The following ARK2N variants were observed in gnomAD, a reference collection of about 807,000 sequenced individuals.
ARK2N encodes the protein protein ARK2N.
the ARK2N span, chr18:46,232,181 T>G: frequency 6.6e-6 from 1 of 152,240 alleles, no homozygotes. Context: ...TTTTAACATA[T>G]AGCTGACTTT....
the ARK2N span, among the ~76,000 whole-genome samples, chr18:46,254,638 AC>A: frequency 4.6e-5 from 7 of 152,226 alleles, no homozygotes; most frequent in African/African-American, 1.4e-4. Context: ...TATTTTAACA[AC>A]CATGCTTGTT....
At chr18:46,194,935 G>A in the ARK2N span, among the ~76,000 whole-genome samples, 572 of 151,328 alleles carry the variant, frequency 3.8e-3, 12 homozygotes, top group Admixed American at 0.029. Flanking sequence ...AGAGTACCTG[G>A]GACTACAGGT....
At chr18:46,262,616 G>T in the ARK2N span, among the ~76,000 whole-genome samples, 3 of 152,162 alleles carry the variant, frequency 2.0e-5, no homozygotes, top group Non-Finnish European at 4.4e-5. Context: ...CTATCATGAA[G>T]ATCCCAGAGG....
At chr18:46,181,170 G>T in the ARK2N span, among the ~76,000 whole-genome samples, 2 of 152,126 alleles carry the variant, frequency 1.3e-5, no homozygotes, top group African/African-American at 2.4e-5. Context: ...TGAGGCAGGA[G>T]AATTGCTTGA....
the ARK2N span, among the ~76,000 whole-genome samples, chr18:46,235,608 A>AACTT: frequency 6.6e-6 from 1 of 152,212 alleles, no homozygotes; most frequent in African/African-American, 2.4e-5. Flanking sequence ...GCAAGGCTTT[A>AACTT]ACTTGTGTCT....
the ARK2N span, among the ~76,000 whole-genome samples, chr18:46,230,742 G>A: frequency 3.3e-5 from 5 of 152,128 alleles, no homozygotes; most frequent in Admixed American, 6.5e-5. Context: ...AAAAATCGCC[G>A]AATGTTGTAA....
chr18:46,215,867 C>G, the ARK2N span: 6 of 1,603,350 alleles, frequency 3.7e-6, no homozygotes, highest in African/African-American at 5.4e-5. Context: ...CATGATTTAA[C>G]TTGAAATTCT....
At chr18:46,189,120 C>T in the ARK2N span, among the ~76,000 whole-genome samples, 12 of 146,458 alleles carry the variant, frequency 8.2e-5, no homozygotes, top group African/African-American at 1.3e-4. Context: ...GAAGCTGAGG[C>T]GGGAGAATCG....
At chr18:46,261,102 T>A in the ARK2N span, among the ~76,000 whole-genome samples, 1 of 152,246 alleles carries the variant, frequency 6.6e-6, no homozygotes, top group African/African-American at 2.4e-5. Flanking sequence ...TAGCCAGCTT[T>A]ACTTCAATTA....
the ARK2N span, among the ~76,000 whole-genome samples, chr18:46,186,920 T>A: frequency 3.3e-5 from 5 of 151,646 alleles, no homozygotes; most frequent in South Asian, 1.0e-3. Context: ...AGTGGTATGA[T>A]CTAGGCTCAC....
chr18:46,213,586 G>GA, the ARK2N span, among the ~76,000 whole-genome samples: 1 of 152,102 alleles, frequency 6.6e-6, no homozygotes, highest in Non-Finnish European at 1.5e-5. Context: ...AATGGTGTCA[G>GA]AAAAAATATT....
chr18:46,188,738 C>T, the ARK2N span, among the ~76,000 whole-genome samples: 3 of 152,064 alleles, frequency 2.0e-5, no homozygotes, highest in Admixed American at 6.6e-5. Context: ...GTTGGCTGGG[C>T]GCAGTGGCTC....
At chr18:46,174,352 G>A in the ARK2N span, 2 of 152,596 alleles carry the variant, frequency 1.3e-5, no homozygotes, top group Admixed American at 1.3e-4. Context: ...AGGGGCGCAG[G>A]GCCGCGGCCT....
chr18:46,240,170 A>G, the ARK2N span: 1 of 1,614,042 alleles, frequency 6.2e-7, no homozygotes, highest in Non-Finnish European at 8.5e-7. Flanking sequence ...CTTCTAGAGG[A>G]GCTGAATGCA....
At chr18:46,187,166 T>A in the ARK2N span, among the ~76,000 whole-genome samples, 1 of 150,398 alleles carries the variant, frequency 6.6e-6, no homozygotes, top group Non-Finnish European at 1.5e-5. Context: ...TACTACTACT[T>A]TTTTAAAAAG....
chr18:46,174,857 C>T, the ARK2N span, among the ~76,000 whole-genome samples: 1 of 152,228 alleles, frequency 6.6e-6, no homozygotes, highest in South Asian at 2.1e-4. Context: ...GCTCCGGCGC[C>T]GCGGCCGCAG....
chr18:46,182,151 A>G, the ARK2N span, among the ~76,000 whole-genome samples: 2 of 152,238 alleles, frequency 1.3e-5, no homozygotes, highest in Non-Finnish European at 2.9e-5. Context: ...ATTAAGAACA[A>G]AAACTTCATG....
the ARK2N span, among the ~76,000 whole-genome samples, chr18:46,207,624 A>G: frequency 6.6e-6 from 1 of 151,960 alleles, no homozygotes; most frequent in Non-Finnish European, 1.5e-5. Context: ...TCCTGACTTC[A>G]TGATCCACCT....
At chr18:46,195,375 C>T in the ARK2N span, among the ~76,000 whole-genome samples, 1 of 148,064 alleles carries the variant, frequency 6.8e-6, no homozygotes, top group Admixed American at 6.8e-5. Context: ...AGCAAGCAAT[C>T]CTGCCTCAGT....
Sources: allele counts gnomAD v4.1 joint callset (sites outside exome capture counted in the v4.1 genomes callset), GRCh38; gene constraint gnomAD v4.1.1; transcripts MANE v1.5; gene names NCBI Gene and HGNC (gene_info 2026-07-23, HGNC 2026-07-21).